Variants in SIDT2 observed in about 807,000 individuals in gnomAD.
SIDT2 encodes SID1 transmembrane family member 2.
Under a neutral mutation model 114.4 loss-of-function variants are expected in SIDT2, and 68 were observed. That is an observed-to-expected ratio of 0.59 (90% CI 0.49 to 0.73). The LOEUF (loss-of-function observed/expected upper bound fraction) is 0.73. Ranked by LOEUF, SIDT2 falls within the 30% of genes least tolerant of loss-of-function variation. SIDT2 has a pLI of 0.00. For missense variants in SIDT2, 918 were observed against 1,097.1 expected, an observed-to-expected ratio of 0.84 and a Z score of 2.31; for synonymous variants, 470 against 438.4, an observed-to-expected ratio of 1.07 and a Z score of -0.90.
intron 8 of SIDT2, among the ~76,000 whole-genome samples, chr11:117,185,250 C>T (rs1262479238): frequency 2.6e-5 from 4 of 151,782 alleles, no homozygotes; most frequent in Non-Finnish European, 2.9e-5. Context: ...GGAGTTTCAC[C>T]GTGTTAGCCA....
At chr11:117,184,552 T>A (rs2030421398) in intron 8 of SIDT2, among the ~76,000 whole-genome samples, 1 of 152,208 alleles carries the variant, frequency 6.6e-6, no homozygotes, top group Admixed American at 6.5e-5. Flanking sequence ...TCCCTGTCTC[T>A]ATAACAGAGG....
chr11:117,190,132 TC>T lies in SIDT2; in HGVS notation c.1494-31del. 1 of 1,604,060 alleles carries T rather than the reference TC, an allele frequency of 6.2e-7. No individual in the cohort carries two copies. The highest frequency in any genetic ancestry group is 8.5e-7 in the Non-Finnish European group (1 of 1,174,180). On this transcript the variant is annotated intron_variant, in intron 16 of 25. Transcript: ENST00000324225. The surrounding 1 kb of genome is among the most constrained non-coding windows in gnomAD (Gnocchi z 4.1). ...GCTAGGGAAGAGGCCTGGGTGTGAGTCCCAAGCAGTCTGCCTTGTGTTGCCC... is the reference window on the plus strand; with the variant it reads ...GCTAGGGAAGAGGCCTGGGTGTGAGTCCAAGCAGTCTGCCTTGTGTTGCCC...
At position 117,184,138 on chromosome 11, in the gene SIDT2, G is replaced by A. The variant is rs1177712828; in HGVS notation, c.867G>A (p.Thr289=). ...CAGTGCTGGTGTCTCAAGCAGTCAC[G>A]TGTGAGTGCTGCAGGTGGCTGAGAG... ...TLSVLVSQAV[T]SEAYVSGMLF... is the part of the protein sequence containing the mutation. Residue 289 remains threonine (T), a splice_region_variant and synonymous_variant, in exon 8 of 26, where the codon ACG becomes ACA. Coordinates refer to ENST00000324225, the MANE Select transcript of SIDT2 (RefSeq NM_001040455.2). 6 of 1,613,866 alleles carry A rather than the reference G, an allele frequency of 3.7e-6. No homozygotes were observed. Among genetic ancestry groups the A allele is most frequent in the Admixed American group, 1.7e-5 (1 of 59,996 alleles).
chr11:117,182,740 G>T lies in SIDT2; in HGVS notation c.636G>T (p.Leu212=). The change falls in exon 6 of 26, where the codon CTG becomes CTT. Residue 212 remains leucine (L), a synonymous_variant. Coordinates refer to ENST00000324225, the MANE Select transcript of SIDT2 (RefSeq NM_001040455.2). ...IQDVLCPVYD[L]DNNVAFIGMY... is the part of the protein sequence containing the mutation. ...CTCTGCAGTGTCCTGTCTATGACCT[G>T]GACAACAACGTAGCCTTCATCGGCA... 6.2e-7 allele frequency: 1 copy of T among 1,614,162 alleles called. No homozygotes were observed. The highest frequency in any genetic ancestry group is 8.5e-7 in the Non-Finnish European group (1 of 1,180,022).
At position 117,179,110 on chromosome 11, in the gene SIDT2, G is replaced by C; in HGVS notation, c.-154G>C. 5 of 751,916 alleles carry C rather than the reference G, an allele frequency of 6.6e-6. No homozygotes were observed. Among genetic ancestry groups the C allele is most frequent in the Non-Finnish European group, 1.1e-5 (5 of 475,774 alleles). The allele number at this position is 751,916 out of a possible 1,614,324, so 46.6% of individuals were successfully genotyped here. A position where few individuals can be genotyped will look rare whatever the true frequency, so the allele number is the denominator to read the frequency against. On this transcript the variant is annotated 5_prime_UTR_variant, in exon 1 of 26. Coordinates refer to ENST00000324225, the MANE Select transcript of SIDT2 (RefSeq NM_001040455.2). The stretch of plus-strand genomic sequence containing the variant: ...GGGAGCCTCTTCGGGGCTCTTGGGA[G>C]GGGACATTTCCTAATCTCAGGCCGG...
In SIDT2 at chr11:117,192,299, A is replaced by G; in HGVS notation, c.1918A>G (p.Ile640Val). Residue 640 changes from isoleucine to valine, a missense_variant, in exon 20 of 26, where the codon ATT becomes GTT. Coordinates refer to ENST00000324225, the MANE Select transcript of SIDT2 (RefSeq NM_001040455.2). This position sits in a 1 kb window ranked among gnomAD's most constrained non-coding sequence, Gnocchi z 5.9. ...GGCGTTCTGGATCGTCTTCTCCATC[A>G]TTCACATCATCGCCACCCTGCTCCT... ...NTAFWIVFSI[I>V]HIIATLLLST... The G allele has an allele frequency of 6.2e-7, 1 of 1,612,780 alleles. No individual in the cohort carries two copies.
chr11:117,192,048 G>A lies in SIDT2; in HGVS notation c.1872+34G>A. On this transcript the variant is annotated intron_variant, in intron 19 of 25. Coordinates refer to ENST00000324225, the MANE Select transcript of SIDT2 (RefSeq NM_001040455.2). The surrounding 1 kb of genome is among the most constrained non-coding windows in gnomAD (Gnocchi z 5.9). ...CTGACCTGCTCTGCTCAGCCTGTAT[G>A]ATAGGAAAGGTGCACGTGCGTTCAG... 1 of 1,612,708 alleles carries A rather than the reference G, an allele frequency of 6.2e-7. No homozygotes were observed. Among genetic ancestry groups the A allele is most frequent in the Non-Finnish European group, 8.5e-7 (1 of 1,179,168 alleles).
At chr11:117,182,884 C>T in intron 6 of SIDT2, 78 bp downstream of exon 6, 1 of 1,471,256 alleles carries the variant, frequency 6.8e-7, no homozygotes. Flanking sequence ...AGCTCTTCTT[C>T]CTCTGCCCAT....
At chr11:117,189,580 T>C in intron 15 of SIDT2, 179 bp downstream of exon 15, 1 of 659,822 alleles carries the variant, frequency 1.5e-6, no homozygotes, top group East Asian at 2.7e-5. Flanking sequence ...TGAGTGTCAG[T>C]TTCTTCATCT....
chr11:117,191,855 C>T, intron 18 of SIDT2, 23 bp from the exon 19 acceptor site: 1 of 1,611,334 alleles, frequency 6.2e-7, no homozygotes, highest in Non-Finnish European at 8.5e-7. Flanking sequence ...TTCTGCAGCT[C>T]CCTTCCGTGT....
Position 117,187,693 on chromosome 11 carries a change from T to C in SIDT2, c.1153T>C (p.Tyr385His). ...TGGCACTGGGGACCTCTCTTACGGT[T>C]ACCAGGGTGAGTGGGCCAGGCTGGG... is the stretch of plus-strand genomic sequence containing the variant. The part of the protein sequence containing the change: ...SAGTGDLSYG[Y>H]QGRSFEPVGT... Residue 385 changes from tyrosine to histidine, a missense_variant, in exon 12 of 26, where the codon TAC becomes CAC. This residue lies in a region of SIDT2 where 553 missense variants were observed against 600.1 expected (regional missense o/e 0.92). Transcript: ENST00000324225. The C allele has an allele frequency of 1.2e-6, 2 of 1,613,826 alleles. No homozygotes were observed. The highest frequency in any genetic ancestry group is 8.5e-7 in the Non-Finnish European group (1 of 1,179,914).
rs55970874 is a variant in SIDT2 at position 117,195,085 on chromosome 11, C to CAAAAAAAAAAAAAAAAAAAA, written c.2323-707_2323-688dup. 6.6e-5 allele frequency among the ~76,000 whole-genome samples: 3 copies of CAAAAAAAAAAAAAAAAAAAA among 45,692 alleles called. 1 individual carries two copies. Among genetic ancestry groups the CAAAAAAAAAAAAAAAAAAAA allele is most frequent in the African/African-American group, 1.9e-4 (3 of 15,806 alleles). 30.0% of individuals were successfully genotyped at this position (45,692 alleles called of 152,430 possible). The stretch of plus-strand genomic sequence containing the variant: ...CTGTCAACAGAGCAAGACTCTGTCT[C>CAAAAAAAAAAAAAAAAAAAA]AAAAAAAAAAAAAAAAAAAAAAAAA... On this transcript the variant is annotated intron_variant, in intron 24 of 25. Coordinates refer to ENST00000324225, the MANE Select transcript of SIDT2 (RefSeq NM_001040455.2).
rs1017818283 is a variant in SIDT2, at chr11:117,188,910, G to A, written c.1278+84G>A. ...CCCGCCCCAGCATGTTCCCACTGAC[G>A]TGGCATTTAGGGAAGCAGAAGGAAG... On this transcript the variant is annotated intron_variant, in intron 13 of 25. Transcript: ENST00000324225. The surrounding 1 kb of genome is among the most constrained non-coding windows in gnomAD (Gnocchi z 4.0). The A allele has an allele frequency of 9.5e-6, 13 of 1,371,658 alleles. No individual in the cohort carries two copies. Among genetic ancestry groups the A allele is most frequent in the African/African-American group, 5.7e-5 (4 of 70,036 alleles). The allele number at this position is 1,371,658 out of a possible 1,614,324, so 85.0% of individuals were successfully genotyped here. A position where few individuals can be genotyped will look rare whatever the true frequency, so the allele number is the denominator to read the frequency against.
chr11:117,192,622 T>G lies in SIDT2; in HGVS notation c.2030T>G (p.Ile677Ser), dbSNP rs1371754208. ...RILHVLYTDC[I>S]RQCSGPLYVD... ...CTCCACGTGCTCTACACAGACTGCA[T>G]CCGGCAGTGCAGCGGGCCGCTCTAC... The change falls in exon 21 of 26, where the codon ATC (isoleucine) becomes AGC (serine). Residue 677 changes from isoleucine (I) to serine (S), a missense_variant. This residue lies in a region of SIDT2 where 275 missense variants were observed against 397.6 expected (regional missense o/e 0.69). Transcript: ENST00000324225. This position sits in a 1 kb window ranked among gnomAD's most constrained non-coding sequence, Gnocchi z 5.9. The G allele has an allele frequency of 6.2e-7, 1 of 1,611,890 alleles. No individual in the cohort carries two copies. Among genetic ancestry groups the G allele is most frequent in the African/African-American group, 1.3e-5 (1 of 74,938 alleles).
In SIDT2 at chr11:117,187,639, G is replaced by T. The variant is rs2030548510; in HGVS notation, c.1099G>T (p.Gly367Ter). 6.2e-7 allele frequency: 1 copy of T among 1,614,014 alleles called. No individual in the cohort carries two copies. The part of the protein sequence containing the change: ...YNYGSFENVS[G>*]STDGLVDSAG... ...ATCGTTCCCCACAGAGAATGTTTCTGGATCTACCGATGGTCTGGTTGACAG... is the reference window on the plus strand; with the variant it reads ...ATCGTTCCCCACAGAGAATGTTTCTTGATCTACCGATGGTCTGGTTGACAG... The change falls in exon 12 of 26, where the codon GGA (glycine) becomes TGA (stop). Residue 367 changes from glycine (G) to a stop codon, truncating the protein, a stop_gained. Transcript: ENST00000324225. LOFTEE classifies it high-confidence loss of function.
chr11:117,194,470 A>G (rs1354551872), intron 24 of SIDT2, among the ~76,000 whole-genome samples: 2 of 152,242 alleles, frequency 1.3e-5, no homozygotes, highest in South Asian at 2.1e-4. Flanking sequence ...CCCAGGGCAC[A>G]TAGCCAGTGA....
rs2030654895 is a variant in SIDT2, at chr11:117,190,391, C to T, written c.1617+102C>T. The T allele has an allele frequency of 6.7e-7, 1 of 1,483,988 alleles. No individual in the cohort carries two copies. The highest frequency in any genetic ancestry group is 9.0e-7 in the Non-Finnish European group (1 of 1,114,236). The allele number at this position is 1,483,988 out of a possible 1,614,324, so 91.9% of individuals were successfully genotyped here. A position where few individuals can be genotyped will look rare whatever the true frequency, so the allele number is the denominator to read the frequency against. On this transcript the variant is annotated intron_variant, in intron 17 of 25. Transcript: ENST00000324225. This position sits in a 1 kb window ranked among gnomAD's most constrained non-coding sequence, Gnocchi z 4.1. ...TGGGCAGGCCTGGCCCTGCCTTCCCCAGCTCTCCCCTCCCCAGTTCTGTCT... is the reference window on the plus strand; with the variant it reads ...TGGGCAGGCCTGGCCCTGCCTTCCCTAGCTCTCCCCTCCCCAGTTCTGTCT...
At chr11:117,193,753 G>A in intron 23 of SIDT2, 100 bp from the exon 24 acceptor site, 1 of 812,316 alleles carries the variant, frequency 1.2e-6, no homozygotes, top group Non-Finnish European at 2.1e-6. Flanking sequence ...TGAAGGCCTG[G>A]GAGGCCATGA....
intron 1 of SIDT2, among the ~76,000 whole-genome samples, 171 bp from the exon 2 acceptor site, chr11:117,181,245 T>C (rs558754796): frequency 5.9e-5 from 9 of 152,122 alleles, no homozygotes; most frequent in Admixed American, 1.3e-4. Flanking sequence ...AGGTCTTTCC[T>C]GGAGTCTGGG....
Sources: allele counts gnomAD v4.1 joint callset (sites outside exome capture counted in the v4.1 genomes callset), GRCh38; gene constraint gnomAD v4.1.1; regional missense constraint gnomAD v4.1.1; non-coding constraint Gnocchi (gnomAD v3.1); transcripts MANE v1.5; gene names NCBI Gene and HGNC (gene_info 2026-07-23, HGNC 2026-07-21).